ANKRD28: variants seen among roughly 807,000 people sequenced by gnomAD.
ANKRD28 encodes serine/threonine-protein phosphatase 6 regulatory ankyrin repeat subunit A.
In ANKRD28, 44 loss-of-function variants were observed where a neutral mutation model predicts 126.5. The observed-to-expected ratio is 0.35, with a 90% confidence interval of 0.27 to 0.45. The LOEUF is 0.45. ANKRD28 is among the 20% of genes least tolerant of loss of function. ANKRD28 has a pLI of 1.00. For missense variants in ANKRD28, 1,110 were observed against 1,316.6 expected (o/e 0.84, Z 2.43); for synonymous variants, 442 against 468.5 (o/e 0.94, Z 0.73).
rs894192585 is a variant in ANKRD28, at chr3:15,739,107, G to C, written c.352-1874C>G. ...TCCTGTTCTTTTTTTAAGGTGCCCGGATTTCATATCGTTCAAACAATTTGT... is the reference window on the plus strand; with the variant it reads ...TCCTGTTCTTTTTTTAAGGTGCCCGCATTTCATATCGTTCAAACAATTTGT... On this transcript the variant is annotated intron_variant, in intron 4 of 27. Transcript: ENST00000683139. Among the ~76,000 whole-genome samples the C allele has an allele frequency of 2.2e-4, 34 of 152,206 alleles. 5 individuals are homozygous for C. Among genetic ancestry groups the C allele is most frequent in the Admixed American group, 9.8e-4 (15 of 15,292 alleles).
At chr3:15,847,387 C>T (rs2061551773) in intron 1 of ANKRD28, among the ~76,000 whole-genome samples, 1 of 152,230 alleles carries the variant, frequency 6.6e-6, no homozygotes, top group Non-Finnish European at 1.5e-5. Flanking sequence ...CCATTCATTC[C>T]ATATTTTCCA....
intron 27 of ANKRD28, among the ~76,000 whole-genome samples, chr3:15,672,587 A>G (rs915755438): frequency 4.6e-5 from 7 of 152,022 alleles, no homozygotes; most frequent in Non-Finnish European, 8.8e-5. Flanking sequence ...TAGCTGGGGG[A>G]GTGCTTCACT....
Position 15,694,777 on chromosome 3 carries a change from A to C in ANKRD28, c.1723T>G (p.Ser575Ala). The stretch of plus-strand genomic sequence containing the variant: ...GGGCTTATTGTTGCTCTATTATCTG[A>C]ATCACTCAGCATGTCTGTTCCTGAG... ...ETSGTDMLSD[S>A]DNRATISPLH... Residue 575 changes from serine to alanine, a missense_variant, in exon 17 of 28, where the codon TCA (serine) becomes GCA (alanine). Ser to Ala is a moderately conservative substitution (Grantham distance 99). Coordinates refer to ENST00000683139, the MANE Select transcript of ANKRD28 (RefSeq NM_001349278.2). 1 of 1,613,564 alleles carries C rather than the reference A, an allele frequency of 6.2e-7. No homozygotes were observed. Among genetic ancestry groups the C allele is most frequent in the Non-Finnish European group, 8.5e-7 (1 of 1,179,550 alleles).
At chr3:15,790,251 T>C (rs971075344) in intron 2 of ANKRD28, among the ~76,000 whole-genome samples, 2 of 151,990 alleles carry the variant, frequency 1.3e-5, no homozygotes, top group Admixed American at 6.6e-5. Flanking sequence ...CTACTCAAAA[T>C]ATTCTAAAAA....
intron 3 of ANKRD28, among the ~76,000 whole-genome samples, chr3:15,754,268 C>T (rs1359343055): frequency 6.6e-6 from 1 of 152,174 alleles, no homozygotes. Flanking sequence ...GGATGTGAAT[C>T]ATCCCTTTGT....
intron 1 of ANKRD28, among the ~76,000 whole-genome samples, chr3:15,807,087 G>C (rs569451641): frequency 6.6e-6 from 1 of 152,234 alleles, no homozygotes; most frequent in Admixed American, 6.5e-5. Flanking sequence ...GACTCAGCAA[G>C]AACCTTAGGA....
Position 15,854,022 on chromosome 3 carries a change from T to C in ANKRD28, c.27+5355A>G, listed in dbSNP as rs904485554. Among the ~76,000 whole-genome samples the C allele has an allele frequency of 6.6e-6, 1 of 152,252 alleles. No homozygotes were observed. On this transcript the variant is annotated intron_variant, in intron 1 of 27. Transcript: ENST00000399451. This position sits in a 1 kb window ranked among gnomAD's most constrained non-coding sequence, Gnocchi z 4.1. ...TGATTTACAGCAGTAGCTACCTAAC[T>C]GGTCCTGGGTGTCCCTGTTTGTCTG...
chr3:15,679,056 C>T (rs1027338896), intron 23 of ANKRD28, among the ~76,000 whole-genome samples: 3 of 152,054 alleles, frequency 2.0e-5, no homozygotes, highest in Non-Finnish European at 2.9e-5. Context: ...CTCACTGTTG[C>T]CTCAAACTCC....
intron 1 of ANKRD28, among the ~76,000 whole-genome samples, chr3:15,844,973 C>A (rs1430019032): frequency 1.3e-5 from 2 of 152,118 alleles, no homozygotes; most frequent in Non-Finnish European, 2.9e-5. Context: ...ATAATCATGG[C>A]AGAAGGCAAA....
chr3:15,687,134 G>A (rs2068221366), intron 18 of ANKRD28, among the ~76,000 whole-genome samples: 1 of 151,578 alleles, frequency 6.6e-6, no homozygotes, highest in South Asian at 2.1e-4. Context: ...TAGGAGAGAT[G>A]AGGTTTCACC....
chr3:15,675,516 T>C lies in ANKRD28; in HGVS notation c.2965+382A>G, dbSNP rs186239809. Among the ~76,000 whole-genome samples the C allele has an allele frequency of 2.0e-5, 3 of 152,254 alleles. No homozygotes were observed. In the East Asian group the frequency reaches 5.8e-4, roughly 29 times the overall value. ...CAAAAGAGAACTGTCAAACTGACATTATGAAGTAGGCAAAAGGGGACAGGA... is the reference window on the plus strand; with the variant it reads ...CAAAAGAGAACTGTCAAACTGACATCATGAAGTAGGCAAAAGGGGACAGGA... On this transcript the variant is annotated intron_variant, in intron 27 of 27. Transcript: ENST00000683139.
upstream of ANKRD28, chr3:15,798,175 T>C: frequency 1.0e-6 from 1 of 985,370 alleles, no homozygotes; most frequent in Non-Finnish European, 1.2e-6. Flanking sequence ...CTGCCTCTGC[T>C]GACTAACAGT....
At chr3:15,850,244 G>T (rs1460881089) in intron 1 of ANKRD28, among the ~76,000 whole-genome samples, 19 of 133,744 alleles carry the variant, frequency 1.4e-4, no homozygotes, top group African/African-American at 4.9e-4. Flanking sequence ...GAGAGAGAGA[G>T]AGAGAGAGAG....
chr3:15,742,524 G>A (rs2057132360), intron 4 of ANKRD28, among the ~76,000 whole-genome samples: 1 of 134,172 alleles, frequency 7.5e-6, no homozygotes, highest in Admixed American at 7.4e-5. Context: ...TGAGAAGTGA[G>A]GAGCCCCTCC....
chr3:15,703,800 G>A (rs1405824806), intron 14 of ANKRD28, among the ~76,000 whole-genome samples: 2 of 152,128 alleles, frequency 1.3e-5, no homozygotes, highest in African/African-American at 4.8e-5. Flanking sequence ...TATGAAGTGC[G>A]GGCTAGAGAT....
In ANKRD28 at chr3:15,809,458, C is replaced by T. The variant is rs139757377; in HGVS notation, c.28-14152G>A. On this transcript the variant is annotated intron_variant, in intron 1 of 27. Coordinates refer to the ANKRD28 transcript ENST00000399451. ...ACTACCCACCCCTAACAACATGTCT[C>T]GTTCAGGAAAGAGCACATGACTGAA... Among the ~76,000 whole-genome samples the T allele has an allele frequency of 2.5e-3, 378 of 152,324 alleles. 3 individuals carry two copies. The highest frequency in any genetic ancestry group is 8.8e-3 in the African/African-American group (364 of 41,570).
At chr3:15,696,721 G>C (rs2069631104) in intron 14 of ANKRD28, among the ~76,000 whole-genome samples, 1 of 152,066 alleles carries the variant, frequency 6.6e-6, no homozygotes, top group Admixed American at 6.5e-5. Context: ...AGAACTCAAT[G>C]AATCTGAATT....
chr3:15,851,306 G>A (rs533372255), intron 1 of ANKRD28, among the ~76,000 whole-genome samples: 5 of 152,104 alleles, frequency 3.3e-5, no homozygotes, highest in Admixed American at 3.3e-4. Flanking sequence ...GCTGGGGAGG[G>A]GGAGGGCTGC....
At chr3:15,742,233 A>G (rs1036968846) in intron 4 of ANKRD28, among the ~76,000 whole-genome samples, 12 of 140,716 alleles carry the variant, frequency 8.5e-5, no homozygotes, top group East Asian at 2.2e-4. Flanking sequence ...CTGCCTGGCT[A>G]CCCAGTCTGG....
Sources: allele counts gnomAD v4.1 joint callset (sites outside exome capture counted in the v4.1 genomes callset), GRCh38; gene constraint gnomAD v4.1.1; non-coding constraint Gnocchi (gnomAD v3.1); transcripts MANE v1.5; gene names NCBI Gene and HGNC (gene_info 2026-07-23, HGNC 2026-07-21).